Variants in UGT1A8 observed in about 807,000 individuals in gnomAD.
The protein encoded by UGT1A8 is UDP glucuronosyltransferase family 1 member A8.
Under a neutral mutation model 45.3 loss-of-function variants are expected in UGT1A8, and 39 were observed. The ratio of observed to expected loss-of-function variants is 0.86; its 90% CI spans 0.67 to 1.12. The LOEUF is 1.12. Among genes scored for constraint, UGT1A8 ranks in the 50% most tolerant of loss-of-function variants. The pLI is 0.00. For synonymous variants in UGT1A8, 275 were observed against 249.2 expected (o/e 1.10, Z -0.97); for missense variants, 719 against 664.9 (o/e 1.08, Z -0.90).
At chr2:233,631,813 G>C (rs1021751372) in intron 1 of UGT1A8, among the ~76,000 whole-genome samples, 3 of 151,994 alleles carry the variant, frequency 2.0e-5, no homozygotes, top group Non-Finnish European at 4.4e-5. Flanking sequence ...AGTTTCTTTT[G>C]CTGTGCAGAA....
chr2:233,671,240 C>T (rs28969702), intron 1 of UGT1A8, among the ~76,000 whole-genome samples: 124 of 152,274 alleles, frequency 8.1e-4, no homozygotes, highest in African/African-American at 2.5e-3. Flanking sequence ...AAGGATTGGG[C>T]GGGCAACTTC....
intron 1 of UGT1A8, among the ~76,000 whole-genome samples, chr2:233,725,249 G>GGCA (rs1424626643): frequency 6.2e-5 from 3 of 48,540 alleles, no homozygotes; most frequent in African/African-American, 3.4e-4. Flanking sequence ...CAGAGGCAGA[G>GGCA]GAGGCAGAGG....
intron 1 of UGT1A8, among the ~76,000 whole-genome samples, chr2:233,652,620 G>T (rs1246055365): frequency 6.6e-6 from 1 of 152,086 alleles, no homozygotes; most frequent in Non-Finnish European, 1.5e-5. Flanking sequence ...AAAATGTCTT[G>T]TACATGCAGA....
chr2:233,675,347 T>C (rs1418987234), intron 1 of UGT1A8, among the ~76,000 whole-genome samples: 1 of 152,208 alleles, frequency 6.6e-6, no homozygotes, highest in African/African-American at 2.4e-5. Flanking sequence ...CAGCAGAACA[T>C]TGAAATAGTT....
intron 1 of UGT1A8, among the ~76,000 whole-genome samples, chr2:233,620,430 T>G (rs1017452550): frequency 5.3e-5 from 8 of 152,224 alleles, no homozygotes; most frequent in Non-Finnish European, 7.4e-5. Context: ...ACACTGAGTT[T>G]ATTGTGGCCC....
At chr2:233,731,784 G>T (rs186887277) in intron 1 of UGT1A8, among the ~76,000 whole-genome samples, 1 of 152,042 alleles carries the variant, frequency 6.6e-6, no homozygotes, top group Non-Finnish European at 1.5e-5. Context: ...ATTTATAATC[G>T]TTTGGGTATA....
At chr2:233,624,355 G>A (rs190135076) in intron 1 of UGT1A8, among the ~76,000 whole-genome samples, 115 of 152,218 alleles carry the variant, frequency 7.6e-4, no homozygotes, top group South Asian at 5.8e-3. Context: ...CCTCTAGAAT[G>A]TCAGTGTGTG....
At chr2:233,743,758 G>C (rs761738753) in intron 1 of UGT1A8, 2 of 1,367,326 alleles carry the variant, frequency 1.5e-6, no homozygotes, top group African/African-American at 1.5e-5. Flanking sequence ...ACAACACCTC[G>C]TAGGCCTCGG....
In UGT1A8 at chr2:233,721,831, C is replaced by T. The variant is rs75130623; in HGVS notation, c.856-45203C>T. ...AAATCCAGCACCCTATTTGGGCCACCGACCTTGTGTCCAGCCCCACTGCTC... is the reference window on the plus strand; with the variant it reads ...AAATCCAGCACCCTATTTGGGCCACTGACCTTGTGTCCAGCCCCACTGCTC... On this transcript the variant is annotated intron_variant, in intron 1 of 4. Transcript: ENST00000373450. 6.7e-3 allele frequency: 3,461 copies of T among 513,060 alleles called. 26 individuals carry two copies. Among genetic ancestry groups the T allele is most frequent in the Non-Finnish European group, 0.011 (2,698 of 255,510 alleles). 31.8% of individuals were successfully genotyped at this position (513,060 alleles called of 1,614,324 possible).
In UGT1A8 at chr2:233,690,489, C is replaced by T. The variant is rs542201347; in HGVS notation, c.855+71927C>T. On this transcript the variant is annotated intron_variant, in intron 1 of 4. Transcript: ENST00000373450. ...CTCCATTTACTTTTTGGGAAATCTG[C>T]TCTTGCCAACAGAGATTTGTTTTAT... The T allele has an allele frequency of 2.1e-4, 272 of 1,289,698 alleles. 1 individual carries two copies. In the Admixed American group the frequency reaches 5.5e-3, roughly 26 times the overall value. The allele number at this position is 1,289,698 out of a possible 1,614,324, so 79.9% of individuals were successfully genotyped here.
intron 2 of UGT1A8, 82 bp from the exon 3 acceptor site, chr2:233,767,765 CCT>C (rs1699477727): frequency 9.3e-6 from 15 of 1,608,904 alleles, no homozygotes; most frequent in Admixed American, 1.7e-5. Context: ...TCAGAGGACC[CCT>C]GTTTTCTAGT....
chr2:233,695,359 C>T (rs569384151), intron 1 of UGT1A8, among the ~76,000 whole-genome samples: 5 of 151,840 alleles, frequency 3.3e-5, no homozygotes, highest in Non-Finnish European at 5.9e-5. Context: ...CTCTTGACCT[C>T]GTGGTCCGCC....
intron 1 of UGT1A8, among the ~76,000 whole-genome samples, chr2:233,724,261 G>T: frequency 1.0e-5 from 1 of 98,912 alleles, no homozygotes; most frequent in African/African-American, 4.1e-5. Context: ...CTCACCTCCC[G>T]GACGGGGCGG....
At chr2:233,627,624 T>TCTTCCTTCCTGCCTTC (rs2073108648) in intron 1 of UGT1A8, among the ~76,000 whole-genome samples, 1 of 111,934 alleles carries the variant, frequency 8.9e-6, no homozygotes, top group East Asian at 2.7e-4. Flanking sequence ...TTCCTTCCTT[T>TCTTCCTTCCTGCCTTC]CTTCCTTCCT....
intron 1 of UGT1A8, chr2:233,760,329 C>A (rs765814343): frequency 8.7e-6 from 14 of 1,613,970 alleles, no homozygotes; most frequent in South Asian, 1.1e-5. Flanking sequence ...TTGTCCTGGG[C>A]CTGCTGCTGT....
chr2:233,729,782 C>A (rs764191993), intron 1 of UGT1A8: 1 of 1,613,938 alleles, frequency 6.2e-7, no homozygotes, highest in South Asian at 1.1e-5. Flanking sequence ...TACCCTCTGG[C>A]CCTGTCCTAC....
At chr2:233,706,566 G>A (rs1311668869) in intron 1 of UGT1A8, among the ~76,000 whole-genome samples, 1 of 152,154 alleles carries the variant, frequency 6.6e-6, no homozygotes, top group African/African-American at 2.4e-5. Flanking sequence ...TCAAACCTTA[G>A]GGTAAGAGTG....
chr2:233,711,396 C>A (rs1349314535), intron 1 of UGT1A8, among the ~76,000 whole-genome samples: 1 of 152,234 alleles, frequency 6.6e-6, no homozygotes, highest in Non-Finnish European at 1.5e-5. Context: ...TGTGTTCCAC[C>A]CTCACCCCGG....
intron 1 of UGT1A8, among the ~76,000 whole-genome samples, chr2:233,650,811 T>C (rs1485078932): frequency 1.3e-5 from 2 of 152,218 alleles, no homozygotes; most frequent in Admixed American, 6.5e-5. Context: ...AGTAAAAGTT[T>C]GTTTGGCACA....
Sources: gnomAD v4.1 joint callset for allele counts (sites outside exome capture counted in the v4.1 genomes callset) on GRCh38, gnomAD v4.1.1 for gene constraint, MANE v1.5 for transcripts, NCBI Gene and HGNC (gene_info 2026-07-23, HGNC 2026-07-21) for gene names.